SKAP1: variants seen among roughly 807,000 people sequenced by gnomAD.
The protein encoded by SKAP1 is src kinase associated phosphoprotein 1, also known as src kinase-associated phosphoprotein 1.
SKAP1 carries 44 observed loss-of-function variants against 58.5 expected under a neutral mutation model. The ratio of observed to expected loss-of-function variants is 0.75; its 90% CI spans 0.59 to 0.97. The LOEUF (loss-of-function observed/expected upper bound fraction) is 0.97, where lower values mean the gene tolerates loss of function less well. Ranked by LOEUF, SKAP1 falls within the 50% of genes least tolerant of loss-of-function variation. The pLI is 0.00. For synonymous variants in SKAP1, 127 were observed against 149.7 expected, an observed-to-expected ratio of 0.85 and a Z score of 1.11; for missense variants, 390 against 435.2, an observed-to-expected ratio of 0.90 and a Z score of 0.92.
chr17:48,276,216 T>A (rs1455614319), intron 4 of SKAP1, among the ~76,000 whole-genome samples: 1 of 152,190 alleles, frequency 6.6e-6, no homozygotes, highest in African/African-American at 2.4e-5. Flanking sequence ...AATTTTTATA[T>A]AATTTGCTTT....
At chr17:48,405,921 A>G (rs888216625) in intron 1 of SKAP1, among the ~76,000 whole-genome samples, 1 of 152,168 alleles carries the variant, frequency 6.6e-6, no homozygotes, top group African/African-American at 2.4e-5. Context: ...AAATAATAGA[A>G]TTAACAGAAA....
At chr17:48,361,695 G>T (rs2066941081) in intron 3 of SKAP1, among the ~76,000 whole-genome samples, 1 of 152,084 alleles carries the variant, frequency 6.6e-6, no homozygotes, top group Non-Finnish European at 1.5e-5. Context: ...TGTACAGAGG[G>T]TCCTGTCACA....
chr17:48,193,710 T>C (rs1294135762), intron 4 of SKAP1: 1 of 984,500 alleles, frequency 1.0e-6, no homozygotes, highest in Non-Finnish European at 1.2e-6. Context: ...ATCCTGAGGA[T>C]GAACAGTGTT....
intron 4 of SKAP1, among the ~76,000 whole-genome samples, chr17:48,271,906 T>C (rs147849630): frequency 5.3e-5 from 8 of 152,276 alleles, no homozygotes; most frequent in Admixed American, 5.2e-4. Flanking sequence ...TATCAATTTA[T>C]GTTTTGACTT....
At chr17:48,283,404 T>C (rs1598508634) in intron 4 of SKAP1, among the ~76,000 whole-genome samples, 1 of 152,226 alleles carries the variant, frequency 6.6e-6, no homozygotes, top group African/African-American at 2.4e-5. Context: ...GGAATCAGAC[T>C]GCATGGGTTC....
chr17:48,336,318 C>T (rs2066568569), intron 4 of SKAP1, among the ~76,000 whole-genome samples: 1 of 152,078 alleles, frequency 6.6e-6, no homozygotes, highest in Non-Finnish European at 1.5e-5. Context: ...CTCTTGAGCA[C>T]TCCCCTCCCC....
intron 4 of SKAP1, among the ~76,000 whole-genome samples, chr17:48,268,109 AAAAG>A (rs2065578164): frequency 6.6e-6 from 1 of 152,188 alleles, no homozygotes; most frequent in Non-Finnish European, 1.5e-5. Context: ...AGTTTCAAAA[AAAAG>A]AAAGAAAACT....
intron 2 of SKAP1, among the ~76,000 whole-genome samples, chr17:48,364,971 C>T (rs1346493524): frequency 6.6e-6 from 1 of 152,064 alleles, no homozygotes; most frequent in Non-Finnish European, 1.5e-5. Context: ...GCAACCTTGA[C>T]CTGCTGGGCT....
chr17:48,194,555 C>T (rs1430381267), intron 4 of SKAP1, among the ~76,000 whole-genome samples: 2 of 152,126 alleles, frequency 1.3e-5, no homozygotes, highest in Non-Finnish European at 2.9e-5. Flanking sequence ...GAGCACAAGG[C>T]TAATAGCACA....
chr17:48,168,572 A>C (rs1348781120), intron 10 of SKAP1, among the ~76,000 whole-genome samples: 1 of 152,188 alleles, frequency 6.6e-6, no homozygotes, highest in African/African-American at 2.4e-5. Flanking sequence ...CAGAAGAATC[A>C]CTTGAACCTG....
intron 10 of SKAP1, 43 bp downstream of exon 10, chr17:48,170,566 A>G: frequency 3.9e-6 from 6 of 1,550,228 alleles, no homozygotes; most frequent in Non-Finnish European, 5.3e-6. Flanking sequence ...TCAGAAGCCC[A>G]TAATGTCCTA....
chr17:48,342,741 T>C (rs1476723875), intron 4 of SKAP1, among the ~76,000 whole-genome samples: 1 of 152,204 alleles, frequency 6.6e-6, no homozygotes, highest in African/African-American at 2.4e-5. Context: ...AAGAGGAATA[T>C]CTGGGAGGCC....
In SKAP1 at chr17:48,189,470, T is replaced by A; in HGVS notation, c.311A>T (p.Glu104Val). 1 of 1,613,668 alleles carries A rather than the reference T, an allele frequency of 6.2e-7. No individual in the cohort carries two copies. The highest frequency in any genetic ancestry group is 8.5e-7 in the Non-Finnish European group (1 of 1,179,912). The change falls in exon 5 of 13, where the codon GAA becomes GTA. Residue 104 changes from glutamate to valine, a missense_variant. Coordinates refer to ENST00000336915, the MANE Select transcript of SKAP1 (RefSeq NM_003726.4). ...GMEDIVKGAQ[E>V]LDNVIKQGYL... is the part of the protein sequence containing the mutation. ...TCCTTGCTTGATTACGTTATCAAGT[T>A]CTTGAGCTCCTTTTACGATGTCTTC... is the stretch of plus-strand genomic sequence containing the variant.
chr17:48,283,202 T>G (rs1415875625), intron 4 of SKAP1, among the ~76,000 whole-genome samples: 3 of 152,102 alleles, frequency 2.0e-5, no homozygotes, highest in Non-Finnish European at 4.4e-5. Context: ...CCAGCATAAC[T>G]GATGAGAGAA....
chr17:48,175,510 T>C (rs1222003286), intron 9 of SKAP1, among the ~76,000 whole-genome samples: 1 of 152,248 alleles, frequency 6.6e-6, no homozygotes, highest in Non-Finnish European at 1.5e-5. Flanking sequence ...CTCTGTTGTG[T>C]ATTTGGTTAT....
chr17:48,272,709 C>T (rs117301014), intron 4 of SKAP1, among the ~76,000 whole-genome samples: 6,397 of 151,752 alleles, frequency 0.042, 296 homozygotes, highest in South Asian at 0.25. Flanking sequence ...GTGTGCACCA[C>T]GACTCCTGGC....
At chr17:48,200,917 G>T (rs1359527302) in intron 4 of SKAP1, among the ~76,000 whole-genome samples, 4 of 152,154 alleles carry the variant, frequency 2.6e-5, no homozygotes, top group Non-Finnish European at 4.4e-5. Flanking sequence ...ACCCAATAAT[G>T]TTTGTTAAAC....
At chr17:48,243,084 G>A (rs1462085494) in intron 4 of SKAP1, among the ~76,000 whole-genome samples, 2 of 152,196 alleles carry the variant, frequency 1.3e-5, no homozygotes, top group East Asian at 1.9e-4. Flanking sequence ...TACCTGGACT[G>A]TGATGTAAAA....
chr17:48,380,759 G>A (rs1474782935), intron 2 of SKAP1, among the ~76,000 whole-genome samples: 2 of 152,172 alleles, frequency 1.3e-5, no homozygotes, highest in African/African-American at 4.8e-5. Flanking sequence ...ATTTCCAGTT[G>A]TTTGGACCTT....
Sources: allele counts gnomAD v4.1 joint callset (sites outside exome capture counted in the v4.1 genomes callset), GRCh38; gene constraint gnomAD v4.1.1; transcripts MANE v1.5; gene names NCBI Gene and HGNC (gene_info 2026-07-23, HGNC 2026-07-21).